The following MPDZ variants were observed in gnomAD, a reference collection of about 807,000 sequenced individuals.
MPDZ encodes the protein multiple PDZ domain protein.
MPDZ carries 234 observed loss-of-function variants against 239.1 expected under a neutral mutation model. That is an observed-to-expected ratio of 0.98 (90% CI 0.88 to 1.09). The LOEUF (loss-of-function observed/expected upper bound fraction) is 1.09. Among genes scored for constraint, MPDZ ranks in the 50% least tolerant of loss-of-function variants. The pLI is 0.00. For missense variants in MPDZ, 3,175 were observed against 2,510.0 expected, an observed-to-expected ratio of 1.26 and a Z score of -5.66; for synonymous variants, 1,048 against 881.3, an observed-to-expected ratio of 1.19 and a Z score of -3.35.
Position 13,176,369 on chromosome 9 carries a change from G to C in MPDZ, c.2698C>G (p.Leu900Val), listed in dbSNP as rs776147925. 1.7e-5 allele frequency: 27 copies of C among 1,605,162 alleles called. No individual in the cohort carries two copies. The highest frequency in any genetic ancestry group is 1.5e-4 in the African/African-American group (11 of 74,810). ...CDPVLDLHMSLEELYTQNLLQ... is the reference protein window; with the variant it reads ...CDPVLDLHMSVEELYTQNLLQ... ...AGATTCTGGGTATATAGTTCCTCCA[G>C]AGACATATGCAGATCAAGTACTGGA... Residue 900 changes from leucine (L) to valine (V), a missense_variant, in exon 20 of 47, where the codon CTG (leucine) becomes GTG (valine). By Grantham distance (32) the Leu-to-Val change is conservative (BLOSUM62 1). Transcript: ENST00000319217.
At chr9:13,255,223 C>T (rs966881615) in intron 1 of MPDZ, among the ~76,000 whole-genome samples, 2 of 152,174 alleles carry the variant, frequency 1.3e-5, no homozygotes, top group African/African-American at 4.8e-5. Context: ...AATTCAGTCA[C>T]ATCTTCAGAC....
rs971798371 is a variant in MPDZ, at chr9:13,105,711, T to C, written c.*1254A>G. 2 of 152,214 alleles carry C rather than the reference T, an allele frequency of 1.3e-5. No homozygotes were observed. Among genetic ancestry groups the C allele is most frequent in the African/African-American group, 2.4e-5 (1 of 41,456 alleles). 9.4% of individuals were successfully genotyped at this position (152,214 alleles called of 1,614,324 possible). On this transcript the variant is annotated 3_prime_UTR_variant, in exon 47 of 47. Coordinates refer to ENST00000319217, the MANE Select transcript of MPDZ (RefSeq NM_001378778.1). ...AAAAAAAATGCTTGCTGCTTATTTGTGCACCACTGAAAATTCTTATTTATT... is the reference window on the plus strand; with the variant it reads ...AAAAAAAATGCTTGCTGCTTATTTGCGCACCACTGAAAATTCTTATTTATT...
intron 3 of MPDZ, among the ~76,000 whole-genome samples, chr9:13,245,406 C>T (rs1159667962): frequency 6.8e-6 from 1 of 146,324 alleles, no homozygotes; most frequent in Non-Finnish European, 1.5e-5. Flanking sequence ...CAACTTTCTA[C>T]CTTTGAAAAA....
chr9:13,278,875 G>A (rs1974882109), intron 1 of MPDZ, among the ~76,000 whole-genome samples: 1 of 151,990 alleles, frequency 6.6e-6, no homozygotes, highest in African/African-American at 2.4e-5. Flanking sequence ...GGCGGATGGG[G>A]CGTCCGGGAG....
chr9:13,120,231 T>C (rs1002884253), intron 38 of MPDZ: 10 of 151,460 alleles, frequency 6.6e-5, no homozygotes, highest in African/African-American at 1.9e-4. Context: ...CTTATTCCCA[T>C]CCTTTCTTTC....
At chr9:13,241,641 T>C (rs1965429365) in intron 3 of MPDZ, among the ~76,000 whole-genome samples, 1 of 152,158 alleles carries the variant, frequency 6.6e-6, no homozygotes, top group Admixed American at 6.5e-5. Flanking sequence ...CTTTAAGATA[T>C]GAATCAAACA....
At chr9:13,275,731 G>T (rs7857149) in intron 1 of MPDZ, among the ~76,000 whole-genome samples, 147,557 of 152,262 alleles carry the variant, frequency 0.97, 71,640 homozygotes, top group East Asian at 1. Flanking sequence ...AGAGATAAAA[G>T]TCAGCCTATA....
intron 40 of MPDZ, among the ~76,000 whole-genome samples, chr9:13,114,713 G>A (rs1326208281): frequency 6.6e-6 from 1 of 151,858 alleles, no homozygotes; most frequent in Non-Finnish European, 1.5e-5. Flanking sequence ...CAGCCTGGCT[G>A]ACATGGCGAA....
At chr9:13,109,626 T>G (rs1467566205) in intron 45 of MPDZ, among the ~76,000 whole-genome samples, 1 of 152,198 alleles carries the variant, frequency 6.6e-6, no homozygotes, top group Non-Finnish European at 1.5e-5. Context: ...TTTAAAATGA[T>G]AGATTTGACT....
chr9:13,251,992 A>G (rs1023986180), intron 1 of MPDZ, among the ~76,000 whole-genome samples: 1 of 152,194 alleles, frequency 6.6e-6, no homozygotes, highest in African/African-American at 2.4e-5. Flanking sequence ...CTCATTGGGT[A>G]TATTTTGAAA....
At chr9:13,141,288 G>T (rs908157771) in intron 27 of MPDZ, among the ~76,000 whole-genome samples, 11 of 152,068 alleles carry the variant, frequency 7.2e-5, no homozygotes, top group African/African-American at 2.7e-4. Context: ...TAAACCTTTG[G>T]AACCTGAGGC....
Position 13,106,915 on chromosome 9 carries a change from A to G in MPDZ, c.*50T>C. The G allele has an allele frequency of 6.3e-7, 1 of 1,598,248 alleles. No individual in the cohort carries two copies. On this transcript the variant is annotated 3_prime_UTR_variant, in exon 47 of 47. Transcript: ENST00000319217. The stretch of plus-strand genomic sequence containing the variant: ...TTGTCAGGACCAGTGCATTCTCTTT[A>G]CAGTAGGAGGTGAGCTAGGGGTTGG...
intron 1 of MPDZ, among the ~76,000 whole-genome samples, chr9:13,267,329 C>G (rs1972008755): frequency 6.6e-6 from 1 of 152,144 alleles, no homozygotes; most frequent in Non-Finnish European, 1.5e-5. Context: ...ATGTCCTTTA[C>G]AAATATGCAT....
chr9:13,246,240 G>A (rs2137673805), intron 3 of MPDZ, among the ~76,000 whole-genome samples: 1 of 152,180 alleles, frequency 6.6e-6, no homozygotes, highest in South Asian at 2.1e-4. Context: ...TTGAGGTCAG[G>A]AGACCAGCCT....
At chr9:13,261,967 C>T (rs1437808715) in intron 1 of MPDZ, among the ~76,000 whole-genome samples, 1 of 151,682 alleles carries the variant, frequency 6.6e-6, no homozygotes, top group Non-Finnish European at 1.5e-5. Context: ...ATTATCTGAG[C>T]CCAGGAGATT....
intron 34 of MPDZ, among the ~76,000 whole-genome samples, 168 bp downstream of exon 34, chr9:13,126,348 G>A (rs761217683): frequency 3.9e-5 from 6 of 152,114 alleles, no homozygotes; most frequent in Non-Finnish European, 7.4e-5. Flanking sequence ...ACACCAACTG[G>A]AAAATAAGAA....
intron 24 of MPDZ, among the ~76,000 whole-genome samples, chr9:13,153,124 A>C (rs1261424197): frequency 6.6e-6 from 1 of 152,150 alleles, no homozygotes. Flanking sequence ...GAAAGGTTGA[A>C]GTAAGGAATC....
chr9:13,244,749 C>T (rs891453456), intron 3 of MPDZ, among the ~76,000 whole-genome samples: 1 of 151,970 alleles, frequency 6.6e-6, no homozygotes, highest in Non-Finnish European at 1.5e-5. Flanking sequence ...AAAAATTAAA[C>T]ATTATTGAAT....
chr9:13,230,249 C>G (rs1386777764), intron 3 of MPDZ, among the ~76,000 whole-genome samples: 1 of 152,078 alleles, frequency 6.6e-6, no homozygotes, highest in East Asian at 1.9e-4. Context: ...TTCGCAGTTT[C>G]TAAAAACAAC....
Sources: allele counts gnomAD v4.1 joint callset (sites outside exome capture counted in the v4.1 genomes callset), GRCh38; gene constraint gnomAD v4.1.1; transcripts MANE v1.5; gene names NCBI Gene and HGNC (gene_info 2026-07-23, HGNC 2026-07-21).